Variants in FASTKD1 observed in about 807,000 individuals in gnomAD.
FASTKD1 encodes FAST kinase domain-containing protein 1, mitochondrial.
In FASTKD1, 94 loss-of-function variants were observed where a neutral mutation model predicts 90.9. The ratio of observed to expected loss-of-function variants is 1.03; its 90% CI spans 0.88 to 1.23. The LOEUF is 1.23. Among genes scored for constraint, FASTKD1 ranks in the 50% most tolerant of loss-of-function variants. The pLI, the probability that FASTKD1 is intolerant of heterozygous loss-of-function variation, is 0.00. For synonymous variants in FASTKD1, 319 were observed against 345.8 expected, an observed-to-expected ratio of 0.92 and a Z score of 0.86; for missense variants, 945 against 993.5, an observed-to-expected ratio of 0.95 and a Z score of 0.66.
chr2:169,555,310 C>T lies in FASTKD1; in HGVS notation c.1083-55G>A, dbSNP rs114484001. 8.7e-4 allele frequency: 1,286 copies of T among 1,473,116 alleles called. 9 individuals carry two copies. The African/African-American group carries it at 0.014, about 17-fold the overall frequency. 91.3% of individuals were successfully genotyped at this position (1,473,116 alleles called of 1,614,324 possible). On this transcript the variant is annotated intron_variant, in intron 6 of 14. Transcript: ENST00000453153. Reference sequence around the variant, plus strand: ...AGTTCATTCATTTATTACACATTTACTATGGTGCTTTCACACCAGACACTC... The same window carrying T: ...AGTTCATTCATTTATTACACATTTATTATGGTGCTTTCACACCAGACACTC...
At position 169,530,720 on chromosome 2, in the gene FASTKD1, T is replaced by C; in HGVS notation, c.2328-19A>G. 8.0e-7 allele frequency: 1 copy of C among 1,253,562 alleles called. No homozygotes were observed. The allele number at this position is 1,253,562 out of a possible 1,614,324, so 77.7% of individuals were successfully genotyped here. A position where few individuals can be genotyped will look rare whatever the true frequency, so the allele number is the denominator to read the frequency against. On this transcript the variant is annotated intron_variant, in intron 13 of 14. Transcript: ENST00000453153. ...AGCAATCCTACATAAAATAAAAAAA[T>C]ATTTACTCCTAAAATCAGAATAAGA...
At chr2:169,567,430 C>T (rs1440812516) in intron 3 of FASTKD1, among the ~76,000 whole-genome samples, 2 of 152,138 alleles carry the variant, frequency 1.3e-5, no homozygotes, top group Non-Finnish European at 2.9e-5. Context: ...AATAAGATTA[C>T]TCTGCTTACC....
intron 7 of FASTKD1, among the ~76,000 whole-genome samples, chr2:169,553,607 G>C (rs987654934): frequency 1.3e-5 from 2 of 152,074 alleles, no homozygotes; most frequent in African/African-American, 4.8e-5. Flanking sequence ...CTATATGCTT[G>C]GTCTTTCAGA....
At chr2:169,550,292 AAGTTCTTAATGATGT>A (rs891706380) in intron 7 of FASTKD1, among the ~76,000 whole-genome samples, 11 of 152,338 alleles carry the variant, frequency 7.2e-5, no homozygotes, top group African/African-American at 2.4e-4. Flanking sequence ...GATTTACAAA[AAGTTCTTAATGATGT>A]AGTTCTTAAT....
intron 7 of FASTKD1, among the ~76,000 whole-genome samples, chr2:169,553,496 G>A (rs1033124927): frequency 4.6e-5 from 7 of 152,132 alleles, no homozygotes; most frequent in Admixed American, 3.3e-4. Context: ...ATCCTAATAC[G>A]CTAAATTCTC....
chr2:169,537,309 C>T lies in FASTKD1; in HGVS notation c.2106G>A (p.Gln702=). 1.2e-6 allele frequency: 2 copies of T among 1,612,786 alleles called. No individual in the cohort carries two copies. The highest frequency in any genetic ancestry group is 1.7e-6 in the Non-Finnish European group (2 of 1,179,202). Residue 702 remains glutamine, a synonymous_variant, in exon 12 of 15, where the codon CAG becomes CAA. Coordinates refer to ENST00000453153, the MANE Select transcript of FASTKD1 (RefSeq NM_024622.6). Reference sequence around the variant, plus strand: ...GTACCTCTGCTAACATTTTAAAAATCTGCTGTTGTGTTCCATCCATGCCAC... The same window carrying T: ...GTACCTCTGCTAACATTTTAAAAATTTGCTGTTGTGTTCCATCCATGCCAC... ...GIGGMDGTQQ[Q]IFKMLAEVLG...
chr2:169,537,394 TTC>T, intron 11 of FASTKD1, 54 bp from the exon 12 acceptor site: 1 of 1,289,144 alleles, frequency 7.8e-7, no homozygotes, highest in South Asian at 1.3e-5. Context: ...CTTTTTTTTT[TTC>T]CTTTGAGACG....
chr2:169,540,484 T>C (rs1469189482), intron 9 of FASTKD1, among the ~76,000 whole-genome samples: 1 of 152,198 alleles, frequency 6.6e-6, no homozygotes, highest in African/African-American at 2.4e-5. Flanking sequence ...GAACATTTGT[T>C]ATTACACTTT....
At chr2:169,556,320 C>G (rs1683305809) in intron 6 of FASTKD1, among the ~76,000 whole-genome samples, 1 of 151,334 alleles carries the variant, frequency 6.6e-6, no homozygotes, top group Non-Finnish European at 1.5e-5. Context: ...CCTGTAGTCC[C>G]AGGTACTCAG....
chr2:169,538,456 C>T (rs375507703), intron 10 of FASTKD1, among the ~76,000 whole-genome samples: 4 of 151,988 alleles, frequency 2.6e-5, no homozygotes, highest in South Asian at 4.2e-4. Context: ...GTGGGCGGAT[C>T]ACCTGAGGTC....
At chr2:169,533,091 T>C (rs893308822) in intron 12 of FASTKD1, among the ~76,000 whole-genome samples, 2 of 152,230 alleles carry the variant, frequency 1.3e-5, no homozygotes, top group Non-Finnish European at 2.9e-5. Flanking sequence ...GAGTTCATTA[T>C]AGTATGCCAA....
At position 169,530,698 on chromosome 2, in the gene FASTKD1, A is replaced by G. The variant is rs2105322075; in HGVS notation, c.2331T>C (p.Ile777=). The G allele has an allele frequency of 6.5e-7, 1 of 1,526,770 alleles. No individual in the cohort carries two copies. Among genetic ancestry groups the G allele is most frequent in the Non-Finnish European group, 8.9e-7 (1 of 1,118,090 alleles). 94.6% of individuals were successfully genotyped at this position (1,526,770 alleles called of 1,614,324 possible). ...CTTTTGAATCCAAAAATTCCAAAGC[A>G]ATCCTACATAAAATAAAAAAATATT... ...GSRLPPGAER[I]ALEFLDSKAL... is the part of the protein sequence containing the mutation. Residue 777 remains isoleucine, a synonymous_variant, in exon 14 of 15, where the codon ATT becomes ATC. Transcript: ENST00000453153.
At position 169,555,239 on chromosome 2, in the gene FASTKD1, G is replaced by A; in HGVS notation, c.1099C>T (p.His367Tyr). The change falls in exon 7 of 15, where the codon CAT becomes TAT. Residue 367 changes from histidine (H) to tyrosine (Y), a missense_variant. His to Tyr is a moderately conservative substitution (Grantham distance 83, BLOSUM62 2). Coordinates refer to ENST00000453153, the MANE Select transcript of FASTKD1 (RefSeq NM_024622.6). ...GGTTTATAGCCATCCAAATGTTTAT[G>A]CAGAACTGAAGTAACTCTAAAAAGG... ...CLIKRVTSVL[H>Y]KHLDGYKPLE... The A allele has an allele frequency of 6.2e-7, 1 of 1,608,856 alleles. No homozygotes were observed.
At chr2:169,565,792 T>C (rs1683949571) in intron 3 of FASTKD1, among the ~76,000 whole-genome samples, 1 of 152,210 alleles carries the variant, frequency 6.6e-6, no homozygotes, top group African/African-American at 2.4e-5. Flanking sequence ...CTTATACTAA[T>C]TTACATTCCC....
At chr2:169,547,884 C>CAAAAAAAAAAAAAAAAAA (rs1158292826) in intron 7 of FASTKD1, among the ~76,000 whole-genome samples, 4 of 21,348 alleles carry the variant, frequency 1.9e-4, no homozygotes, top group Non-Finnish European at 4.3e-4. Flanking sequence ...GACTCCATCT[C>CAAAAAAAAAAAAAAAAAA]AAAAAAAAAA....
intron 9 of FASTKD1, among the ~76,000 whole-genome samples, chr2:169,544,400 T>C (rs1685090507): frequency 6.6e-6 from 1 of 152,108 alleles, no homozygotes; most frequent in Admixed American, 6.5e-5. Context: ...TGAAACCCTG[T>C]CTGTACTAAA....
At chr2:169,540,927 G>A (rs62171311) in intron 9 of FASTKD1, among the ~76,000 whole-genome samples, 7,015 of 152,264 alleles carry the variant, frequency 0.046, 238 homozygotes, top group Non-Finnish European at 0.073. Context: ...ACAGTATAAG[G>A]CTTCAACTAT....
chr2:169,547,233 G>A (rs983594261), intron 7 of FASTKD1, among the ~76,000 whole-genome samples: 1 of 152,220 alleles, frequency 6.6e-6, no homozygotes, highest in African/African-American at 2.4e-5. Context: ...TATGCGGGAA[G>A]GGGTGCAGAG....
At position 169,540,192 on chromosome 2, in the gene FASTKD1, T is replaced by A. The variant is rs1253301306; in HGVS notation, c.1817-13A>T. On this transcript the variant is annotated splice_polypyrimidine_tract_variant and intron_variant, in intron 9 of 14. Coordinates refer to ENST00000453153, the MANE Select transcript of FASTKD1 (RefSeq NM_024622.6). Reference sequence around the variant, plus strand: ...GGATCCAATATACCTAAAAGAAAATTAAGATTTTTTTAAAGGTATAGCTGC... The same window carrying A: ...GGATCCAATATACCTAAAAGAAAATAAAGATTTTTTTAAAGGTATAGCTGC... 2 of 1,526,704 alleles carry A rather than the reference T, an allele frequency of 1.3e-6. No individual in the cohort carries two copies. The highest frequency in any genetic ancestry group is 3.8e-5 in the Admixed American group (2 of 52,036). The allele number at this position is 1,526,704 out of a possible 1,614,324, so 94.6% of individuals were successfully genotyped here. A position where few individuals can be genotyped will look rare whatever the true frequency, so the allele number is the denominator to read the frequency against.
Sources: allele counts gnomAD v4.1 joint callset (sites outside exome capture counted in the v4.1 genomes callset), GRCh38; gene constraint gnomAD v4.1.1; transcripts MANE v1.5; gene names NCBI Gene and HGNC (gene_info 2026-07-23, HGNC 2026-07-21).